The following SH2D3A variants were observed in gnomAD, a reference collection of about 807,000 sequenced individuals.
SH2D3A encodes SH2 domain containing 3A.
In SH2D3A, 46 loss-of-function variants were observed where a neutral mutation model predicts 50.6. That is an observed-to-expected ratio of 0.91 (90% confidence interval 0.72 to 1.16). SH2D3A has a LOEUF of 1.16. SH2D3A is among the 50% of genes most tolerant of loss of function. The pLI is 0.00. For missense variants in SH2D3A, 783 were observed against 786.2 expected (o/e 1.00, Z 0.05); for synonymous variants, 377 against 348.4 (o/e 1.08, Z -0.91).
rs568976019 is a variant in SH2D3A at position 6,753,651 on chromosome 19, G to A, written c.1385-10C>T. ...CCGGGGTCGCAGGGTCCTGCGGAGG[G>A]GGAGGGTCTGATCAGGGTTTGGGGC... On this transcript the variant is annotated splice_polypyrimidine_tract_variant and intron_variant, in intron 8 of 9. Coordinates refer to ENST00000245908, the MANE Select transcript of SH2D3A (RefSeq NM_005490.3). 1 of 1,553,970 alleles carries A rather than the reference G, an allele frequency of 6.4e-7. No homozygotes were observed. The highest frequency in any genetic ancestry group is 2.3e-5 in the East Asian group (1 of 43,664).
chr19:6,764,583 G>C (rs755291931), intron 1 of SH2D3A: 4 of 152,168 alleles, frequency 2.6e-5, no homozygotes, highest in Non-Finnish European at 4.4e-5. Context: ...CTGTCCTTGG[G>C]AGCTGACATT....
In SH2D3A at chr19:6,763,702, T is replaced by G; in HGVS notation, c.47A>C (p.Tyr16Ser). 1 of 1,612,614 alleles carries G rather than the reference T, an allele frequency of 6.2e-7. No individual in the cohort carries two copies. Among genetic ancestry groups the G allele is most frequent in the Non-Finnish European group, 8.5e-7 (1 of 1,179,678 alleles). ...DGEDLAGQPW[Y>S]HGLLSRQKAE... ...TACCTGGCGGGACAGGAGGCCGTGG[T>G]ACCAAGGTTGGCCAGCAAGGTCTTC... Residue 16 changes from tyrosine to serine, a missense_variant, in exon 2 of 10, where the codon TAC becomes TCC. Physicochemically the swap from Tyr to Ser is moderately radical, Grantham distance 144 (BLOSUM62 -2). Transcript: ENST00000245908.
intron 9 of SH2D3A, 112 bp from the exon 10 acceptor site, chr19:6,752,865 G>A: frequency 7.1e-7 from 1 of 1,417,786 alleles, no homozygotes; most frequent in Non-Finnish European, 9.2e-7. Flanking sequence ...AGGGGCCCGG[G>A]AGGGACCTGC....
At position 6,760,619 on chromosome 19, in the gene SH2D3A, G is replaced by A. The variant is rs1400608552; in HGVS notation, c.419+19C>T. The A allele has an allele frequency of 1.3e-6, 2 of 1,523,250 alleles. No homozygotes were observed. The highest frequency in any genetic ancestry group is 2.8e-5 in the African/African-American group (2 of 72,316). 94.4% of individuals were successfully genotyped at this position (1,523,250 alleles called of 1,614,324 possible). ...GCGAGTGTTGGGTGTTCTCAAGGAG[G>A]CAGGGAGACTGTGAGTACCTGAGAG... is the stretch of plus-strand genomic sequence containing the variant. On this transcript the variant is annotated intron_variant, in intron 3 of 9. Transcript: ENST00000245908.
rs547858023 is a variant in SH2D3A at position 6,755,360 on chromosome 19, T to C, written c.497-45A>G. The C allele has an allele frequency of 9.9e-5, 134 of 1,357,922 alleles. 2 individuals are homozygous for C. The South Asian group carries it at 2.3e-3, about 23-fold the overall frequency. The allele number at this position is 1,357,922 out of a possible 1,614,324, so 84.1% of individuals were successfully genotyped here. On this transcript the variant is annotated intron_variant, in intron 4 of 9. Coordinates refer to ENST00000245908, the MANE Select transcript of SH2D3A (RefSeq NM_005490.3). ...GGTCAATGGGAATACACAGGGAAGA[T>C]TGCTGAATGGGCGGGGGTGAGAGCT... is the stretch of plus-strand genomic sequence containing the variant.
At chr19:6,753,023 G>A in intron 9 of SH2D3A, 1 of 985,376 alleles carries the variant, frequency 1.0e-6, no homozygotes, top group South Asian at 4.7e-5. Flanking sequence ...CGCCTTAGGG[G>A]CTGTGCCTGG....
intron 4 of SH2D3A, among the ~76,000 whole-genome samples, chr19:6,756,358 T>C (rs557954132): frequency 3.3e-5 from 5 of 151,618 alleles, no homozygotes; most frequent in African/African-American, 1.2e-4. Flanking sequence ...AGACAAAGTA[T>C]AAAAAATTCA....
At chr19:6,754,754 C>T in intron 5 of SH2D3A, 23 bp from the exon 6 acceptor site, 2 of 1,613,836 alleles carry the variant, frequency 1.2e-6, no homozygotes, top group African/African-American at 1.3e-5. Context: ...ATGGGGAAGT[C>T]AGGTGAAGCG....
At position 6,763,787 on chromosome 19, in the gene SH2D3A, G is replaced by A; in HGVS notation, c.-39C>T. On this transcript the variant is annotated 5_prime_UTR_variant, in exon 2 of 10. Transcript: ENST00000245908. ...ACAGAGGGTGCCAGGGCTGAGCTCTGCACTTTCAACAGGCCTCAGTCTTCC... is the reference window on the plus strand; with the variant it reads ...ACAGAGGGTGCCAGGGCTGAGCTCTACACTTTCAACAGGCCTCAGTCTTCC... The A allele has an allele frequency of 6.3e-7, 1 of 1,579,164 alleles. No individual in the cohort carries two copies. The highest frequency in any genetic ancestry group is 8.7e-7 in the Non-Finnish European group (1 of 1,153,152).
intron 1 of SH2D3A, among the ~76,000 whole-genome samples, chr19:6,764,953 T>C (rs959167991): frequency 8.1e-5 from 12 of 148,840 alleles, no homozygotes; most frequent in Non-Finnish European, 7.4e-5. Context: ...TCTCAGTTCA[T>C]TGCAACTTCC....
intron 1 of SH2D3A, chr19:6,764,223 C>CT (rs931301623): frequency 2.3e-4 from 34 of 148,872 alleles, no homozygotes; most frequent in Admixed American, 4.0e-4. Context: ...TGCACGCAGA[C>CT]TTTTTTTTTT....
chr19:6,755,615 C>G lies in SH2D3A; in HGVS notation c.497-300G>C, dbSNP rs146091986. 8.1e-3 allele frequency among the ~76,000 whole-genome samples: 1,229 copies of G among 150,870 alleles called. 16 individuals carry two copies. Among genetic ancestry groups the G allele is most frequent in the African/African-American group, 0.029 (1,176 of 41,158 alleles). ...TGTTGCCCAGGCTGGTCTGGAATTC[C>G]TAGTCTCAAGCAATCCTCCCTCCTC... On this transcript the variant is annotated intron_variant, in intron 4 of 9. Coordinates refer to ENST00000245908, the MANE Select transcript of SH2D3A (RefSeq NM_005490.3).
At chr19:6,753,975 G>A in intron 8 of SH2D3A, 77 bp downstream of exon 8, 1 of 1,451,186 alleles carries the variant, frequency 6.9e-7, no homozygotes. Flanking sequence ...TGCAGGGACT[G>A]GGCATAGGAC....
At chr19:6,761,574 G>T (rs564598971) in intron 2 of SH2D3A, among the ~76,000 whole-genome samples, 1 of 152,178 alleles carries the variant, frequency 6.6e-6, no homozygotes, top group Non-Finnish European at 1.5e-5. Flanking sequence ...GCCATTAGCT[G>T]GATGCTTCCA....
At chr19:6,760,555 CA>C (rs137939721) in intron 3 of SH2D3A, 82 bp downstream of exon 3, 182,712 of 891,472 alleles carry the variant, frequency 0.2, 162 homozygotes, top group South Asian at 0.28. Flanking sequence ...GAGACTCAGT[CA>C]AAAAAAAAAA....
rs565602370 is a variant in SH2D3A, at chr19:6,763,817, C to T, written c.-68-1G>A. On this transcript the variant is annotated splice_acceptor_variant, in intron 1 of 9. Transcript: ENST00000245908. LOFTEE classifies it low-confidence loss of function (5UTR_SPLICE). Reference sequence around the variant, plus strand: ...TTCAACAGGCCTCAGTCTTCCACATCTGTAAAAGGGGAATAATTAGCCCTG... The same window carrying T: ...TTCAACAGGCCTCAGTCTTCCACATTTGTAAAAGGGGAATAATTAGCCCTG... 5.6e-5 allele frequency: 73 copies of T among 1,297,990 alleles called. No individual in the cohort carries two copies. The African/African-American group carries it at 7.6e-4, about 14-fold the overall frequency. The allele number at this position is 1,297,990 out of a possible 1,614,324, so 80.4% of individuals were successfully genotyped here. A position where few individuals can be genotyped will look rare whatever the true frequency, so the allele number is the denominator to read the frequency against.
chr19:6,763,041 G>T (rs1970115454), intron 2 of SH2D3A, among the ~76,000 whole-genome samples: 1 of 151,954 alleles, frequency 6.6e-6, no homozygotes, highest in Non-Finnish European at 1.5e-5. Context: ...AGATGGAGGT[G>T]GGAGCCTCAG....
chr19:6,758,976 C>T (rs1220779772), intron 4 of SH2D3A: 5 of 152,168 alleles, frequency 3.3e-5, no homozygotes, highest in African/African-American at 7.3e-5. Flanking sequence ...GCAAAGGCCC[C>T]GAGGCGGGAA....
At chr19:6,763,502 A>G (rs1354695634) in intron 2 of SH2D3A, among the ~76,000 whole-genome samples, 178 bp downstream of exon 2, 2 of 152,176 alleles carry the variant, frequency 1.3e-5, no homozygotes, top group Non-Finnish European at 1.5e-5. Flanking sequence ...AAAGAAAGTG[A>G]TAATTTAAAT....
Sources: allele counts gnomAD v4.1 joint callset (sites outside exome capture counted in the v4.1 genomes callset), GRCh38; gene constraint gnomAD v4.1.1; transcripts MANE v1.5; gene names NCBI Gene and HGNC (gene_info 2026-07-23, HGNC 2026-07-21).